The following SLC22A25 variants were observed in gnomAD, a reference collection of about 807,000 sequenced individuals.
SLC22A25 encodes solute carrier family 22 member 25.
Under a neutral mutation model 45.9 loss-of-function variants are expected in SLC22A25, and 44 were observed. The ratio of observed to expected loss-of-function variants is 0.96; its 90% CI spans 0.75 to 1.23. The LOEUF (loss-of-function observed/expected upper bound fraction) is 1.23. Among genes scored for constraint, SLC22A25 ranks in the 50% most tolerant of loss-of-function variants. The probability of loss-of-function intolerance (pLI) is 0.00; values close to 1 mark genes in which losing one functional copy is unlikely to be tolerated. For missense variants in SLC22A25, 800 were observed against 666.4 expected, an observed-to-expected ratio of 1.20 and a Z score of -2.21; for synonymous variants, 283 against 238.6, an observed-to-expected ratio of 1.19 and a Z score of -1.72.
In SLC22A25 at chr11:63,164,070, TC is replaced by T; in HGVS notation, c.1397del (p.Gly466GlufsTer21). 2 of 1,581,594 alleles carry T rather than the reference TC, an allele frequency of 1.3e-6. No homozygotes were observed. The highest frequency in any genetic ancestry group is 1.7e-6 in the Non-Finnish European group (2 of 1,165,604). On this transcript the variant is annotated frameshift_variant and splice_region_variant, in exon 12 of 12. Coordinates refer to ENST00000306494, the MANE Select transcript of SLC22A25 (RefSeq NM_199352.6). LOFTEE classifies it low-confidence loss of function (END_TRUNC). Reference sequence around the variant, plus strand: ...AGTTTCCAGTGATTCCAGTAGCTCTTCCCCTTGGAGTAAAAACAGCAACAGA... The same window carrying T: ...AGTTTCCAGTGATTCCAGTAGCTCTTCCCTTGGAGTAAAAACAGCAACAGA... ...ENELIPSIIRGRATGITGNFA... is the reference protein window; with the variant it reads ...ENELIPSIIRXRATGITGNFA...
rs568694103 is a variant in SLC22A25, at chr11:63,218,066, G to C, written c.507-331C>G. The C allele has an allele frequency of 1.9e-4, 99 of 515,060 alleles. No homozygotes were observed. In the Middle Eastern group the frequency reaches 3.2e-3, roughly 17 times the overall value. The allele number at this position is 515,060 out of a possible 1,614,324, so 31.9% of individuals were successfully genotyped here. On this transcript the variant is annotated intron_variant, in intron 5 of 11. Transcript: ENST00000306494. Reference sequence around the variant, plus strand: ...TGAAGACAAATTGTTCTACCAAAAAGATACACGCACTCACATGTTCATTGA... The same window carrying C: ...TGAAGACAAATTGTTCTACCAAAAACATACACGCACTCACATGTTCATTGA...
At chr11:63,217,011 G>A (rs1000177652) in intron 7 of SLC22A25, among the ~76,000 whole-genome samples, 1 of 152,106 alleles carries the variant, frequency 6.6e-6, no homozygotes, top group Non-Finnish European at 1.5e-5. Context: ...ATAAAATACT[G>A]AATATTTGGG....
intron 5 of SLC22A25, 92 bp downstream of exon 5, chr11:63,228,369 T>C (rs890146870): frequency 1.3e-5 from 13 of 989,254 alleles, no homozygotes; most frequent in African/African-American, 3.2e-5. Flanking sequence ...AGCAACAGGA[T>C]AGTGTGATTT....
chr11:63,241,134 G>T (rs1190769682), intron 1 of SLC22A25, among the ~76,000 whole-genome samples: 1 of 152,186 alleles, frequency 6.6e-6, no homozygotes, highest in African/African-American at 2.4e-5. Flanking sequence ...TGTGCAAGGG[G>T]TTTACTAAGG....
In SLC22A25 at chr11:63,229,384, C is replaced by T. The variant is rs368828937; in HGVS notation, c.269G>A (p.Arg90His). ...DSNLRPEKCR[R>H]FVHPQWKLIH... ...GAGCTTCCACTGGGGATGGACAAAG[C>T]GACGACACTTCTCTGGCCTCAGATT... Residue 90 changes from arginine to histidine, a missense_variant, in exon 4 of 12, where the codon CGC (arginine) becomes CAC (histidine). Transcript: ENST00000306494. 100 of 1,614,032 alleles carry T rather than the reference C, an allele frequency of 6.2e-5. No homozygotes were observed. The highest frequency in any genetic ancestry group is 7.3e-5 in the Non-Finnish European group (86 of 1,179,956).
At chr11:63,218,121 A>G (rs1270418673) in intron 5 of SLC22A25, 9 of 463,826 alleles carry the variant, frequency 1.9e-5, no homozygotes, top group South Asian at 1.4e-4. Context: ...AAGGCATGGA[A>G]TAACCTCAAT....
chr11:63,225,323 T>C (rs189105291), intron 5 of SLC22A25, among the ~76,000 whole-genome samples: 72 of 152,320 alleles, frequency 4.7e-4, no homozygotes, highest in Admixed American at 1.6e-3. Flanking sequence ...AGGTCTGGTG[T>C]TGATGAAACC....
rs373551698 is a variant in SLC22A25, at chr11:63,229,598, G to A, written c.55C>T (p.Leu19Phe). The change falls in exon 4 of 12, where the codon CTT (leucine) becomes TTT (phenylalanine). Residue 19 changes from leucine (L) to phenylalanine (F), a missense_variant. Physicochemically the swap from Leu to Phe is conservative, Grantham distance 22. Coordinates refer to ENST00000306494, the MANE Select transcript of SLC22A25 (RefSeq NM_199352.6). ...QVGGLGRFQILQMVFLIMFNV... is the reference protein window; with the variant it reads ...QVGGLGRFQIFQMVFLIMFNV... ...AACATTATAAGGAAAACCATCTGAA[G>A]GATCTGGAATCTCCCCAGGCCTCCA... 1.9e-6 allele frequency: 3 copies of A among 1,612,956 alleles called. No individual in the cohort carries two copies. The highest frequency in any genetic ancestry group is 2.5e-6 in the Non-Finnish European group (3 of 1,179,140).
intron 5 of SLC22A25, among the ~76,000 whole-genome samples, chr11:63,223,468 T>C (rs907118264): frequency 6.6e-6 from 1 of 152,094 alleles, no homozygotes; most frequent in Non-Finnish European, 1.5e-5. Context: ...TCAGTTGTAA[T>C]GTCTCTTTTT....
intron 7 of SLC22A25, among the ~76,000 whole-genome samples, chr11:63,192,410 C>T (rs1174549550): frequency 6.6e-6 from 1 of 152,146 alleles, no homozygotes; most frequent in Non-Finnish European, 1.5e-5. Context: ...GACAGAGACA[C>T]TATAAAGCAG....
intron 7 of SLC22A25, among the ~76,000 whole-genome samples, chr11:63,202,995 C>A (rs1181641783): frequency 6.6e-6 from 1 of 152,200 alleles, no homozygotes; most frequent in African/African-American, 2.4e-5. Flanking sequence ...GCAGCCTCTG[C>A]TGGTGATACC....
intron 7 of SLC22A25, among the ~76,000 whole-genome samples, chr11:63,204,100 G>A (rs754913564): frequency 6.6e-6 from 1 of 152,164 alleles, no homozygotes; most frequent in Non-Finnish European, 1.5e-5. Flanking sequence ...TTGCAGACAA[G>A]CAAATGCTAA....
intron 7 of SLC22A25, among the ~76,000 whole-genome samples, chr11:63,204,630 AC>A (rs1331640347): frequency 2.6e-5 from 4 of 152,226 alleles, no homozygotes; most frequent in Non-Finnish European, 5.9e-5. Context: ...ATATAAATGC[AC>A]CCAATACAGG....
At chr11:63,176,803 T>G (rs73499739) in intron 9 of SLC22A25, among the ~76,000 whole-genome samples, 3,311 of 152,110 alleles carry the variant, frequency 0.022, 121 homozygotes, top group African/African-American at 0.075. Flanking sequence ...TTTCATCGAG[T>G]ATGATGTTAG....
At chr11:63,180,482 A>T (rs1469618460) in intron 9 of SLC22A25, among the ~76,000 whole-genome samples, 178 bp downstream of exon 9, 4 of 152,184 alleles carry the variant, frequency 2.6e-5, no homozygotes, top group African/African-American at 7.2e-5. Flanking sequence ...TGTGTAATTA[A>T]TTCTGTGTCA....
At chr11:63,199,148 A>C (rs943752943) in intron 7 of SLC22A25, among the ~76,000 whole-genome samples, 13 of 151,962 alleles carry the variant, frequency 8.6e-5, no homozygotes, top group Non-Finnish European at 1.9e-4. Flanking sequence ...ATATATATAG[A>C]TCCCTAGCTA....
chr11:63,158,484 T>C lies in SLC22A25; in HGVS notation c.*5340A>G, dbSNP rs2087513817. 1.3e-5 allele frequency among the ~76,000 whole-genome samples: 2 copies of C among 152,218 alleles called. No individual in the cohort carries two copies. ...TTAATTTTTGTGGCTACATAGTAGA[T>C]GGATATATTTATGGGGTGTATGAGA... On this transcript the variant is annotated 3_prime_UTR_variant, in exon 12 of 12. Transcript: ENST00000306494.
In SLC22A25 at chr11:63,161,001, C is replaced by T. The variant is rs1483992781; in HGVS notation, c.*2823G>A. Among the ~76,000 whole-genome samples, 1 of 152,136 alleles carries T rather than the reference C, an allele frequency of 6.6e-6. No homozygotes were observed. The highest frequency in any genetic ancestry group is 1.5e-5 in the Non-Finnish European group (1 of 68,020). ...GTTCCACTGCACCATTGTATTAGTC[C>T]ATTTTCAAGCTGCTGATAAAGACAT... On this transcript the variant is annotated 3_prime_UTR_variant, in exon 12 of 12. Coordinates refer to ENST00000306494, the MANE Select transcript of SLC22A25 (RefSeq NM_199352.6).
Position 63,163,784 on chromosome 11 carries a change from T to C in SLC22A25, c.*40A>G. 1 of 1,570,048 alleles carries C rather than the reference T, an allele frequency of 6.4e-7. No homozygotes were observed. Among genetic ancestry groups the C allele is most frequent in the African/African-American group, 1.4e-5 (1 of 73,616 alleles). ...CCCAGATCTAAGCCTTTTTGGGGGATGGTAGCCCTAAATGGTGTTTTGCTT... is the reference window on the plus strand; with the variant it reads ...CCCAGATCTAAGCCTTTTTGGGGGACGGTAGCCCTAAATGGTGTTTTGCTT... On this transcript the variant is annotated 3_prime_UTR_variant, in exon 12 of 12. Coordinates refer to ENST00000306494, the MANE Select transcript of SLC22A25 (RefSeq NM_199352.6).
Sources: allele counts gnomAD v4.1 joint callset (sites outside exome capture counted in the v4.1 genomes callset), GRCh38; gene constraint gnomAD v4.1.1; transcripts MANE v1.5; gene names NCBI Gene and HGNC (gene_info 2026-07-23, HGNC 2026-07-21).